Variants in FOXP1 observed in about 807,000 individuals in gnomAD.
FOXP1 encodes forkhead box P1, also known as forkhead box protein P1.
In FOXP1, 15 loss-of-function variants were observed where a neutral mutation model predicts 98.2. That is an observed-to-expected ratio of 0.15 (90% CI 0.10 to 0.24). The LOEUF is 0.24. Ranked by LOEUF, FOXP1 falls within the 10% of genes least tolerant of loss-of-function variation. The pLI is 1.00. For missense variants in FOXP1, 633 were observed against 848.5 expected (o/e 0.75, Z 3.15); for synonymous variants, 371 against 314.5 (o/e 1.18, Z -1.90).
intron 11 of FOXP1, among the ~76,000 whole-genome samples, chr3:71,030,006 C>T (rs1264081361): frequency 6.6e-6 from 1 of 152,166 alleles, no homozygotes; most frequent in Non-Finnish European, 1.5e-5. Flanking sequence ...TTAATCCTCA[C>T]AATTTGATCT....
intron 5 of FOXP1, among the ~76,000 whole-genome samples, chr3:71,260,903 A>G (rs1351515772): frequency 1.3e-5 from 2 of 152,154 alleles, no homozygotes; most frequent in Non-Finnish European, 2.9e-5. Flanking sequence ...CAAAAGCTGG[A>G]TTTTAAAAAA....
chr3:71,093,357 A>G lies in FOXP1; in HGVS notation c.282+19179T>C, dbSNP rs186059115. ...CTTTTCACAATGATGGAAATGTTCT[A>G]TATCTGCATTAATCAAAATAATAGC... is the stretch of plus-strand genomic sequence containing the variant. On this transcript the variant is annotated intron_variant, in intron 7 of 20. Coordinates refer to ENST00000649528, the MANE Select transcript of FOXP1 (RefSeq NM_001349338.3). 5.3e-5 allele frequency among the ~76,000 whole-genome samples: 8 copies of G among 150,918 alleles called. No homozygotes were observed. The East Asian group carries it at 1.6e-3, about 30-fold the overall frequency.
intron 4 of FOXP1, among the ~76,000 whole-genome samples, chr3:71,344,669 T>C (rs749634056): frequency 1.3e-4 from 20 of 152,044 alleles, no homozygotes; most frequent in Non-Finnish European, 2.2e-4. Context: ...AAACCCCCTG[T>C]GCACTAAAAA....
intron 3 of FOXP1, among the ~76,000 whole-genome samples, chr3:71,361,786 T>C (rs2078590336): frequency 6.6e-6 from 1 of 152,208 alleles, no homozygotes; most frequent in Non-Finnish European, 1.5e-5. Context: ...AGAGCCCTCA[T>C]GTTTATTTTC....
intron 3 of FOXP1, among the ~76,000 whole-genome samples, chr3:71,377,090 A>G: frequency 6.6e-6 from 1 of 152,170 alleles, no homozygotes; most frequent in East Asian, 1.9e-4. Flanking sequence ...ACGTGAGTCA[A>G]TGTTTCCTTG....
At chr3:71,035,673 G>T (rs1206958807) in intron 11 of FOXP1, among the ~76,000 whole-genome samples, 1 of 152,116 alleles carries the variant, frequency 6.6e-6, no homozygotes, top group Non-Finnish European at 1.5e-5. Flanking sequence ...TTGACCACAG[G>T]TTCTCCAAAA....
At chr3:71,213,274 G>C (rs981783527) in intron 5 of FOXP1, among the ~76,000 whole-genome samples, 1 of 152,120 alleles carries the variant, frequency 6.6e-6, no homozygotes, top group Admixed American at 6.6e-5. Flanking sequence ...AGACAACTAA[G>C]GCAAGCCCTT....
chr3:71,276,418 C>T (rs2070895864), intron 5 of FOXP1: 1 of 151,998 alleles, frequency 6.6e-6, no homozygotes, highest in African/African-American at 2.4e-5. Context: ...TGTGTCTAAT[C>T]CAGTTTCATT....
At chr3:71,374,983 T>A (rs1260727876) in intron 3 of FOXP1, among the ~76,000 whole-genome samples, 2 of 152,232 alleles carry the variant, frequency 1.3e-5, no homozygotes, top group African/African-American at 2.4e-5. Flanking sequence ...AAAGTGTATC[T>A]CCCTGCTACT....
At chr3:71,300,937 T>C (rs2073790289) in intron 4 of FOXP1, among the ~76,000 whole-genome samples, 1 of 152,228 alleles carries the variant, frequency 6.6e-6, no homozygotes. Flanking sequence ...AGTAAAATCT[T>C]ATTTCACGAG....
intron 3 of FOXP1, among the ~76,000 whole-genome samples, chr3:71,488,524 T>C (rs1019622548): frequency 6.6e-6 from 1 of 152,210 alleles, no homozygotes; most frequent in African/African-American, 2.4e-5. Context: ...ATTACTAATA[T>C]ATTCCATTAC....
chr3:71,166,108 G>A lies in FOXP1; in HGVS notation c.180+32094C>T, dbSNP rs2061385504. On this transcript the variant is annotated intron_variant, in intron 6 of 20. Transcript: ENST00000649528. ...AATCACTCTGAGAAACACTTAAGAA[G>A]ACAGCCCAATACTTAGCGCCTCCTT... 1.3e-5 allele frequency among the ~76,000 whole-genome samples: 2 copies of A among 152,166 alleles called. 1 individual carries two copies. Among genetic ancestry groups the A allele is most frequent in the South Asian group, 4.1e-4 (2 of 4,822 alleles).
At chr3:71,026,400 C>T (rs960672016) in intron 11 of FOXP1, among the ~76,000 whole-genome samples, 1 of 152,280 alleles carries the variant, frequency 6.6e-6, no homozygotes, top group African/African-American at 2.4e-5. Context: ...GGGTTAACTT[C>T]GCAGGTTGAC....
intron 2 of FOXP1, among the ~76,000 whole-genome samples, chr3:71,574,783 G>A (rs371868036): frequency 2.6e-5 from 4 of 152,172 alleles, no homozygotes; most frequent in African/African-American, 7.2e-5. Context: ...AATTCAAAAG[G>A]AAATTATCTG....
intron 3 of FOXP1, among the ~76,000 whole-genome samples, chr3:71,362,526 G>A (rs62245968): frequency 3.5e-3 from 526 of 152,298 alleles, no homozygotes; most frequent in Non-Finnish European, 5.7e-3. Context: ...CTGCAGTGCA[G>A]TGGCATGATC....
intron 7 of FOXP1, among the ~76,000 whole-genome samples, chr3:71,079,127 T>C (rs1559884552): frequency 6.6e-6 from 1 of 152,212 alleles, no homozygotes; most frequent in Non-Finnish European, 1.5e-5. Context: ...GTCTTGCCCC[T>C]GCGCCCCTCC....
chr3:70,962,675 C>G (rs1373501141), intron 20 of FOXP1, among the ~76,000 whole-genome samples: 1 of 152,020 alleles, frequency 6.6e-6, no homozygotes, highest in Non-Finnish European at 1.5e-5. Context: ...TGTTGTTTTC[C>G]AAATCAACAT....
intron 7 of FOXP1, among the ~76,000 whole-genome samples, chr3:71,066,837 T>G (rs1175671626): frequency 1.3e-5 from 2 of 152,218 alleles, no homozygotes; most frequent in Non-Finnish European, 2.9e-5. Flanking sequence ...CCTTAGCAGG[T>G]CAGTGTTTAT....
At chr3:71,129,510 T>TC (rs1474074563) in intron 6 of FOXP1, among the ~76,000 whole-genome samples, 6 of 152,210 alleles carry the variant, frequency 3.9e-5, no homozygotes, top group African/African-American at 1.2e-4. Context: ...CAAACGAGGT[T>TC]CACAGTAATA....
Sources: allele counts gnomAD v4.1 joint callset (sites outside exome capture counted in the v4.1 genomes callset), GRCh38; gene constraint gnomAD v4.1.1; transcripts MANE v1.5; gene names NCBI Gene and HGNC (gene_info 2026-07-23, HGNC 2026-07-21).